The following PTPRD variants were observed in gnomAD, a reference collection of about 807,000 sequenced individuals.
The protein encoded by PTPRD is receptor-type tyrosine-protein phosphatase delta.
A neutral mutation model predicts 214.5 loss-of-function variants in PTPRD; 34 were observed. The ratio of observed to expected loss-of-function variants is 0.16; its 90% CI spans 0.12 to 0.21. The LOEUF (loss-of-function observed/expected upper bound fraction) is 0.21, where lower values mean the gene tolerates loss of function less well. Ranked by LOEUF, PTPRD falls within the 10% of genes least tolerant of loss-of-function variation. PTPRD has a pLI of 1.00. For synonymous variants in PTPRD, 1,128 were observed against 845.7 expected, an observed-to-expected ratio of 1.33 and a Z score of -5.79; for missense variants, 2,545 against 2,398.7, an observed-to-expected ratio of 1.06 and a Z score of -1.27.
chr9:10,503,820 G>C (rs972870127), intron 2 of PTPRD, among the ~76,000 whole-genome samples: 1 of 151,752 alleles, frequency 6.6e-6, no homozygotes, highest in Non-Finnish European at 1.5e-5. Flanking sequence ...TGTAATTTTA[G>C]AAAAGATATA....
chr9:9,301,628 G>T (rs1451512150), intron 9 of PTPRD, among the ~76,000 whole-genome samples: 1 of 151,786 alleles, frequency 6.6e-6, no homozygotes, highest in Non-Finnish European at 1.5e-5. Flanking sequence ...TTTTACTGAA[G>T]CCGACTTTTG....
chr9:9,264,913 C>T (rs1218307286), intron 9 of PTPRD, among the ~76,000 whole-genome samples: 4 of 146,734 alleles, frequency 2.7e-5, no homozygotes, highest in African/African-American at 4.9e-5. Context: ...AAAAAAAAAA[C>T]CCTACCAACC....
chr9:9,532,805 GA>G (rs1451901826), intron 8 of PTPRD, among the ~76,000 whole-genome samples: 7 of 152,134 alleles, frequency 4.6e-5, no homozygotes, highest in Non-Finnish European at 4.4e-5. Context: ...AGCAATCATT[GA>G]AAAAAGTACT....
chr9:10,303,445 A>C (rs890619736), intron 3 of PTPRD, among the ~76,000 whole-genome samples: 10 of 152,164 alleles, frequency 6.6e-5, no homozygotes, highest in African/African-American at 2.4e-4. Context: ...ACACAAAAAA[A>C]AACCTTCAAA....
intron 8 of PTPRD, among the ~76,000 whole-genome samples, chr9:9,510,800 T>C (rs1168284464): frequency 6.6e-6 from 1 of 151,720 alleles, no homozygotes; most frequent in Non-Finnish European, 1.5e-5. Context: ...TGGCAAAACA[T>C]ATTTTTTCAA....
intron 3 of PTPRD, among the ~76,000 whole-genome samples, chr9:10,321,399 T>TA (rs1267715780): frequency 1.5e-4 from 23 of 151,950 alleles, no homozygotes; most frequent in African/African-American, 5.3e-4. Flanking sequence ...AAATGAGTAG[T>TA]AGGTGCAACA....
intron 5 of PTPRD, among the ~76,000 whole-genome samples, chr9:9,881,350 C>G (rs2068625222): frequency 6.6e-6 from 1 of 152,038 alleles, no homozygotes; most frequent in Non-Finnish European, 1.5e-5. Flanking sequence ...TCTATGATTA[C>G]TATTTTGCCT....
At chr9:8,871,937 G>C (rs1266587397) in intron 11 of PTPRD, among the ~76,000 whole-genome samples, 2 of 152,060 alleles carry the variant, frequency 1.3e-5, no homozygotes, top group Admixed American at 1.3e-4. Context: ...TCATTGTACT[G>C]GGGCACCACT....
At chr9:8,736,835 A>C (rs6477328) in intron 11 of PTPRD, among the ~76,000 whole-genome samples, 7,737 of 152,192 alleles carry the variant, frequency 0.051, 557 homozygotes, top group African/African-American at 0.16. Flanking sequence ...CAACTTATCA[A>C]GCAGTTCACA....
At chr9:8,338,814 T>G (rs58119872) in intron 43 of PTPRD, 108 bp downstream of exon 43, 2 of 1,007,534 alleles carry the variant, frequency 2.0e-6, no homozygotes, top group African/African-American at 3.2e-5. Context: ...TGATTTCTCT[T>G]TGGGACAACA....
chr9:8,982,788 TTA>T (rs2099319938), intron 11 of PTPRD, among the ~76,000 whole-genome samples: 1 of 152,032 alleles, frequency 6.6e-6, no homozygotes, highest in South Asian at 2.1e-4. Context: ...TAAATATTAT[TTA>T]TTTTCCTTAT....
chr9:9,382,711 A>T (rs968679093), intron 9 of PTPRD, among the ~76,000 whole-genome samples: 1 of 152,084 alleles, frequency 6.6e-6, no homozygotes, highest in Non-Finnish European at 1.5e-5. Flanking sequence ...GTGGGAATGT[A>T]AAACAGTACA....
chr9:9,773,422 A>G (rs767188575), intron 5 of PTPRD, among the ~76,000 whole-genome samples: 1 of 152,148 alleles, frequency 6.6e-6, no homozygotes, highest in African/African-American at 2.4e-5. Context: ...TCTAATATAT[A>G]CATGATGATT....
In PTPRD at chr9:9,725,913, C is replaced by T. The variant is rs142361725; in HGVS notation, c.-287+8620G>A. Among the ~76,000 whole-genome samples the T allele has an allele frequency of 4.1e-3, 619 of 152,136 alleles. 10 individuals are homozygous for T. The highest frequency in any genetic ancestry group is 0.014 in the African/African-American group (583 of 41,496). ...TCTCTCTCTGTCTTTCCCAGCAGTACGCATTGTTTAGGGAAGCAGATGACT... is the reference window on the plus strand; with the variant it reads ...TCTCTCTCTGTCTTTCCCAGCAGTATGCATTGTTTAGGGAAGCAGATGACT... On this transcript the variant is annotated intron_variant, in intron 7 of 45. Coordinates refer to ENST00000381196, the MANE Select transcript of PTPRD (RefSeq NM_002839.4).
intron 39 of PTPRD, among the ~76,000 whole-genome samples, chr9:8,361,831 G>A (rs945337052): frequency 1.8e-4 from 28 of 152,122 alleles, no homozygotes; most frequent in Non-Finnish European, 2.9e-4. Flanking sequence ...CTTTGTTCCC[G>A]CTTAAGGTAA....
intron 33 of PTPRD, among the ~76,000 whole-genome samples, chr9:8,451,262 G>A (rs369601843): frequency 7.9e-5 from 12 of 151,988 alleles, no homozygotes; most frequent in East Asian, 5.8e-4. Flanking sequence ...TTGCTTTCTC[G>A]GTACCTTAGA....
rs893486927 is a variant in PTPRD, at chr9:8,459,172, A to AC, written c.3875+1238dup. Reference sequence around the variant, plus strand: ...GTGAGGGTGAAAATAATTAATATAAACCCCCCAAAAGGGAGCTAGATGGGT... The same window carrying AC: ...GTGAGGGTGAAAATAATTAATATAAACCCCCCCAAAAGGGAGCTAGATGGGT... On this transcript the variant is annotated intron_variant, in intron 33 of 45. Transcript: ENST00000381196. Among the ~76,000 whole-genome samples the AC allele has an allele frequency of 2.7e-3, 410 of 152,006 alleles. 2 individuals carry two copies. The highest frequency in any genetic ancestry group is 9.2e-3 in the African/African-American group (382 of 41,482).
intron 11 of PTPRD, among the ~76,000 whole-genome samples, chr9:9,003,194 G>A (rs573950957): frequency 1.2e-4 from 18 of 151,996 alleles, no homozygotes; most frequent in African/African-American, 4.1e-4. Flanking sequence ...CTTTCAGCTG[G>A]CCTTACTTGA....
At chr9:8,904,768 T>C (rs1425249263) in intron 11 of PTPRD, among the ~76,000 whole-genome samples, 1 of 151,822 alleles carries the variant, frequency 6.6e-6, no homozygotes, top group Non-Finnish European at 1.5e-5. Context: ...TAGATATTTT[T>C]CTAAAATAAC....
Sources: allele counts gnomAD v4.1 joint callset (sites outside exome capture counted in the v4.1 genomes callset), GRCh38; gene constraint gnomAD v4.1.1; transcripts MANE v1.5; gene names NCBI Gene and HGNC (gene_info 2026-07-23, HGNC 2026-07-21).